The following RPL23 variants were observed in gnomAD, a reference collection of about 807,000 sequenced individuals.
The protein encoded by RPL23 is ribosomal protein L23.
For missense variants in RPL23, 79 were observed against 178.8 expected, an observed-to-expected ratio of 0.44 and a Z score of 3.18; for synonymous variants, 63 against 65.3, an observed-to-expected ratio of 0.97 and a Z score of 0.17.
Position 38,848,040 on chromosome 17 carries a change from C to T in RPL23, c.*2092G>A. On this transcript the variant is annotated 3_prime_UTR_variant, in exon 5 of 5. Transcript: ENST00000479035. ...TTCAGTGGTGTTACTGCACTCCAGCCTGTGTGACAGAGCAAGACTGCCTCA... is the reference window on the plus strand; with the variant it reads ...TTCAGTGGTGTTACTGCACTCCAGCTTGTGTGACAGAGCAAGACTGCCTCA... The T allele has an allele frequency of 6.5e-7, 1 of 1,547,350 alleles. No individual in the cohort carries two copies. The highest frequency in any genetic ancestry group is 8.7e-7 in the Non-Finnish European group (1 of 1,145,990).
At position 38,848,225 on chromosome 17, in the gene RPL23, A is replaced by C. The variant is rs1912911580; in HGVS notation, c.*1907T>G. ...CAGGGATGTTATGGTGTAACTCTCT[A>C]AAACTAGAGATTTAATACATTTTTT... On this transcript the variant is annotated 3_prime_UTR_variant, in exon 5 of 5. Transcript: ENST00000479035. 1.3e-6 allele frequency: 1 copy of C among 744,576 alleles called. No individual in the cohort carries two copies. Among genetic ancestry groups the C allele is most frequent in the African/African-American group, 1.8e-5 (1 of 54,932 alleles). 46.1% of individuals were successfully genotyped at this position (744,576 alleles called of 1,614,324 possible).
intron 1 of RPL23, chr17:38,853,452 A>G: frequency 1.4e-6 from 1 of 718,164 alleles, no homozygotes; most frequent in Non-Finnish European, 2.6e-6. Flanking sequence ...CCATTACGAT[A>G]GCCCTATTCG....
Position 38,850,389 on chromosome 17 carries a change from T to G in RPL23, c.313A>C (p.Ile105Leu). 6.2e-7 allele frequency: 1 copy of G among 1,613,862 alleles called. No individual in the cohort carries two copies. Among genetic ancestry groups the G allele is most frequent in the South Asian group, 1.1e-5 (1 of 91,064 alleles). The change falls in exon 4 of 5, where the codon ATA becomes CTA. Residue 105 changes from isoleucine (I) to leucine (L), a missense_variant. Ile to Leu is a conservative substitution (Grantham distance 5). Coordinates refer to ENST00000479035, the MANE Select transcript of RPL23 (RefSeq NM_000978.4). ...FLYFEDNAGV[I>L]VNNKGEMKGS... ...TTCATCTCGCCTTTATTGTTCACTATGACTCCTGCATTATCTTCAAAATAA... is the reference window on the plus strand; with the variant it reads ...TTCATCTCGCCTTTATTGTTCACTAGGACTCCTGCATTATCTTCAAAATAA...
In RPL23 at chr17:38,848,001, A is replaced by G. The variant is rs1286588181; in HGVS notation, c.*2131T>C. On this transcript the variant is annotated 3_prime_UTR_variant, in exon 5 of 5. Transcript: ENST00000479035. ...GGAGGATTCCAAGTCCAGCAGTTCA[A>G]AGTTACAGTGAGCTTCAGTGGTGTT... 3.0e-5 allele frequency: 47 copies of G among 1,550,022 alleles called. No homozygotes were observed. The highest frequency in any genetic ancestry group is 3.8e-5 in the Non-Finnish European group (44 of 1,146,862).
chr17:38,852,878 G>C (rs377383657), intron 2 of RPL23, 144 bp downstream of exon 2: 1 of 1,376,058 alleles, frequency 7.3e-7, no homozygotes. Flanking sequence ...TCACACCACC[G>C]ATTGAAGCAA....
chr17:38,852,718 A>G lies in RPL23; in HGVS notation c.112T>C (p.Tyr38His). Residue 38 changes from tyrosine to histidine, a missense_variant, in exon 3 of 5, where the codon TAT becomes CAT. Physicochemically the swap from Tyr to His is moderately conservative, Grantham distance 83. Transcript: ENST00000479035. ...CADNTGAKNL[Y>H]IISVKGIKGR... ...TTGATCCCCTTCACGGAGATGATAT[A>G]CAGGTTTTTGGCTCCTACAAAAGAA... The G allele has an allele frequency of 6.2e-7, 1 of 1,614,164 alleles. No homozygotes were observed. Among genetic ancestry groups the G allele is most frequent in the Non-Finnish European group, 8.5e-7 (1 of 1,180,038 alleles).
rs1264526152 is a variant in RPL23 at position 38,849,954 on chromosome 17, C to T, written c.*178G>A. 30 of 523,720 alleles carry T rather than the reference C, an allele frequency of 5.7e-5. No individual in the cohort carries two copies. The highest frequency in any genetic ancestry group is 1.3e-5 in the Non-Finnish European group (4 of 299,948). The allele number at this position is 523,720 out of a possible 1,614,324, so 32.4% of individuals were successfully genotyped here. A position where few individuals can be genotyped will look rare whatever the true frequency, so the allele number is the denominator to read the frequency against. ...CAAACATGGTGAAACCCTGTCTCCACCAAAAATACAAAAACTAGCCAGGCA... is the reference window on the plus strand; with the variant it reads ...CAAACATGGTGAAACCCTGTCTCCATCAAAAATACAAAAACTAGCCAGGCA... On this transcript the variant is annotated 3_prime_UTR_variant, in exon 5 of 5. Transcript: ENST00000479035.
intron 3 of RPL23, chr17:38,850,798 A>G (rs892932154): frequency 1.0e-5 from 2 of 192,252 alleles, no homozygotes; most frequent in Non-Finnish European, 2.1e-5. Context: ...CAAAGCTGCC[A>G]GTATTTTCTC....
Position 38,850,157 on chromosome 17 carries a change from G to A in RPL23, c.398C>T (p.Ala133Val). The A allele has an allele frequency of 6.2e-7, 1 of 1,605,224 alleles. No homozygotes were observed. The highest frequency in any genetic ancestry group is 8.5e-7 in the Non-Finnish European group (1 of 1,177,166). ...KECADLWPRI[A>V]SNAGSIA ...TCATGCAATGCTGCCAGCATTGGAT[G>A]CAATCCGGGGCCACAAGTCTGCACA... Residue 133 changes from alanine to valine, a missense_variant, in exon 5 of 5, where the codon GCA (alanine) becomes GTA (valine). Coordinates refer to ENST00000479035, the MANE Select transcript of RPL23 (RefSeq NM_000978.4).
Position 38,848,854 on chromosome 17 carries a change from GATAC to G in RPL23, c.*1274_*1277del, listed in dbSNP as rs1486901120. 1.3e-5 allele frequency: 2 copies of G among 152,062 alleles called. No individual in the cohort carries two copies. The highest frequency in any genetic ancestry group is 4.8e-5 in the African/African-American group (2 of 41,450). The allele number at this position is 152,062 out of a possible 1,614,324, so 9.4% of individuals were successfully genotyped here. On this transcript the variant is annotated 3_prime_UTR_variant, in exon 5 of 5. Transcript: ENST00000479035. Reference sequence around the variant, plus strand: ...TTATGGCTGAGTATTTGCAGATACAGATACATAAACACAAACCTTAATCTAAAAA... The same window carrying G: ...TTATGGCTGAGTATTTGCAGATACAGATAAACACAAACCTTAATCTAAAAA...
Position 38,849,923 on chromosome 17 carries a change from G to T in RPL23, c.*209C>A. On this transcript the variant is annotated 3_prime_UTR_variant, in exon 5 of 5. Coordinates refer to ENST00000479035, the MANE Select transcript of RPL23 (RefSeq NM_000978.4). ...TCACTTGAGATCAGGAGTTTGAGTC[G>T]TTTGGCAAACATGGTGAAACCCTGT... 1 of 465,436 alleles carries T rather than the reference G, an allele frequency of 2.1e-6. No individual in the cohort carries two copies. The highest frequency in any genetic ancestry group is 3.7e-5 in the East Asian group (1 of 27,082). The allele number at this position is 465,436 out of a possible 1,614,324, so 28.8% of individuals were successfully genotyped here.
intron 1 of RPL23, chr17:38,853,448 C>G (rs577998392): frequency 9.8e-6 from 7 of 717,838 alleles, no homozygotes; most frequent in Admixed American, 8.0e-5. Flanking sequence ...AACCCCATTA[C>G]GATAGCCCTA....
chr17:38,851,099 G>A (rs1392659342), intron 3 of RPL23: 3 of 152,154 alleles, frequency 2.0e-5, no homozygotes, highest in Non-Finnish European at 2.9e-5. Flanking sequence ...TGAAAAAGAC[G>A]CTTTTCCCAA....
chr17:38,853,388 C>T (rs765081769), intron 1 of RPL23: 9 of 710,120 alleles, frequency 1.3e-5, no homozygotes, highest in African/African-American at 3.5e-5. Flanking sequence ...TCCTGCAAGG[C>T]ATAAAACCGC....
At chr17:38,851,739 ATTTC>A (rs1913009274) in intron 3 of RPL23, 1 of 152,234 alleles carries the variant, frequency 6.6e-6, no homozygotes, top group Non-Finnish European at 1.5e-5. Flanking sequence ...ACAAAAAACA[ATTTC>A]TAACCCAAAG....
Position 38,850,023 on chromosome 17 carries a change from C to G in RPL23, c.*109G>C. On this transcript the variant is annotated 3_prime_UTR_variant, in exon 5 of 5. Coordinates refer to ENST00000479035, the MANE Select transcript of RPL23 (RefSeq NM_000978.4). ...ATCCCAGCTACTTAGGAGGCTGAGGCAGGAGAATCGCTTGAACCCTGGAAG... is the reference window on the plus strand; with the variant it reads ...ATCCCAGCTACTTAGGAGGCTGAGGGAGGAGAATCGCTTGAACCCTGGAAG... 1.3e-6 allele frequency: 1 copy of G among 749,700 alleles called. No individual in the cohort carries two copies. Among genetic ancestry groups the G allele is most frequent in the Admixed American group, 3.1e-5 (1 of 32,254 alleles). 46.4% of individuals were successfully genotyped at this position (749,700 alleles called of 1,614,324 possible).
chr17:38,853,514 T>C, intron 1 of RPL23, 184 bp downstream of exon 1: 1 of 749,914 alleles, frequency 1.3e-6, no homozygotes, highest in Non-Finnish European at 2.4e-6. Flanking sequence ...TCCTGCCATC[T>C]CAACTCTCCA....
In RPL23 at chr17:38,849,996, T is replaced by C. The variant is rs1912955150; in HGVS notation, c.*136A>G. On this transcript the variant is annotated 3_prime_UTR_variant, in exon 5 of 5. Coordinates refer to ENST00000479035, the MANE Select transcript of RPL23 (RefSeq NM_000978.4). ...AGCCAGGCATGACGGCAGGTGCCTG[T>C]AATCCCAGCTACTTAGGAGGCTGAG... 1 of 621,110 alleles carries C rather than the reference T, an allele frequency of 1.6e-6. No homozygotes were observed. Among genetic ancestry groups the C allele is most frequent in the Admixed American group, 3.3e-5 (1 of 30,064 alleles). The allele number at this position is 621,110 out of a possible 1,614,324, so 38.5% of individuals were successfully genotyped here.
rs370329357 is a variant in RPL23 at position 38,850,518 on chromosome 17, C to T, written c.227-43G>A. On this transcript the variant is annotated intron_variant, in intron 3 of 4. Coordinates refer to ENST00000479035, the MANE Select transcript of RPL23 (RefSeq NM_000978.4). ...GACAGCAGTCATTAACCTGTCAAGT[C>T]GCAGTGCCACCACAAAAGCAGTTTC... 35 of 1,355,896 alleles carry T rather than the reference C, an allele frequency of 2.6e-5. No individual in the cohort carries two copies. The South Asian group carries it at 3.2e-4, about 12-fold the overall frequency. The allele number at this position is 1,355,896 out of a possible 1,614,324, so 84.0% of individuals were successfully genotyped here. A position where few individuals can be genotyped will look rare whatever the true frequency, so the allele number is the denominator to read the frequency against.
Sources: gnomAD v4.1 joint callset for allele counts on GRCh38, gnomAD v4.1.1 for gene constraint, MANE v1.5 for transcripts, NCBI Gene and HGNC (gene_info 2026-07-23, HGNC 2026-07-21) for gene names.